Variants in NRXN3 observed in about 807,000 individuals in gnomAD.
NRXN3 encodes the protein neurexin III.
Under a neutral mutation model 137.6 loss-of-function variants are expected in NRXN3, and 32 were observed. That is an observed-to-expected ratio of 0.23 (90% CI 0.18 to 0.31). The LOEUF is 0.31. Among genes scored for constraint, NRXN3 ranks in the 10% least tolerant of loss-of-function variants. The probability of loss-of-function intolerance (pLI) is 1.00; values close to 1 mark genes in which losing one functional copy is unlikely to be tolerated. For missense variants in NRXN3, 1,574 were observed against 2,062.5 expected (o/e 0.76, Z 4.59); for synonymous variants, 798 against 784.5 (o/e 1.02, Z -0.29).
chr14:78,289,970 G>GT (rs1189958425), intron 3 of NRXN3, among the ~76,000 whole-genome samples: 11 of 152,202 alleles, frequency 7.2e-5, no homozygotes, highest in African/African-American at 1.9e-4. Context: ...TCTTACATGA[G>GT]TTTTTTACAA....
chr14:78,658,818 G>A (rs777012439), intron 6 of NRXN3, among the ~76,000 whole-genome samples: 20 of 152,156 alleles, frequency 1.3e-4, no homozygotes, highest in Non-Finnish European at 1.5e-4. Flanking sequence ...GGAGATAAGA[G>A]CGTCTTGACA....
At chr14:79,810,596 C>G (rs1368992319) in intron 20 of NRXN3, among the ~76,000 whole-genome samples, 1 of 152,138 alleles carries the variant, frequency 6.6e-6, no homozygotes, top group African/African-American at 2.4e-5. Flanking sequence ...TACTTAGTTC[C>G]TCTTTGTTAG....
At chr14:78,435,160 A>G (rs962577488) in intron 4 of NRXN3, among the ~76,000 whole-genome samples, 1 of 152,090 alleles carries the variant, frequency 6.6e-6, no homozygotes, top group African/African-American at 2.4e-5. Context: ...TGGCTCTGTA[A>G]CTCTCAGCCT....
chr14:78,606,551 C>T (rs2152455015), intron 4 of NRXN3, among the ~76,000 whole-genome samples: 1 of 152,318 alleles, frequency 6.6e-6, no homozygotes, highest in Non-Finnish European at 1.5e-5. Flanking sequence ...CACTTACGGT[C>T]TCTCCCGCTA....
At chr14:79,677,353 C>T (rs551739473) in intron 17 of NRXN3, among the ~76,000 whole-genome samples, 20 of 152,048 alleles carry the variant, frequency 1.3e-4, no homozygotes, top group Non-Finnish European at 2.5e-4. Context: ...GTTTAGAAAT[C>T]TTATTACTTC....
intron 4 of NRXN3, among the ~76,000 whole-genome samples, chr14:78,423,414 G>T (rs533607268): frequency 6.6e-6 from 1 of 152,160 alleles, no homozygotes; most frequent in South Asian, 2.1e-4. Context: ...TGCTAGGAGC[G>T]CTTATACCTC....
intron 15 of NRXN3, among the ~76,000 whole-genome samples, chr14:79,252,158 G>C (rs1187097704): frequency 6.6e-6 from 1 of 152,080 alleles, no homozygotes; most frequent in East Asian, 1.9e-4. Context: ...ACATTCCGAC[G>C]GGTTAATCAG....
chr14:78,274,032 G>A (rs2073200219), intron 2 of NRXN3, among the ~76,000 whole-genome samples: 1 of 152,218 alleles, frequency 6.6e-6, no homozygotes. Context: ...AGGCATGGGG[G>A]AGTTGAAGTA....
chr14:78,774,708 A>G (rs1311473315), intron 8 of NRXN3, among the ~76,000 whole-genome samples: 2 of 152,168 alleles, frequency 1.3e-5, no homozygotes, highest in African/African-American at 4.8e-5. Flanking sequence ...GCTTGAGGCC[A>G]GGAGTTCAAG....
chr14:79,544,491 A>G (rs1415778114), intron 16 of NRXN3, among the ~76,000 whole-genome samples: 1 of 152,130 alleles, frequency 6.6e-6, no homozygotes, highest in Non-Finnish European at 1.5e-5. Context: ...TGGCCATGTG[A>G]CTTGCTGGAT....
intron 15 of NRXN3, among the ~76,000 whole-genome samples, chr14:79,120,797 A>C (rs1371306520): frequency 6.6e-6 from 1 of 152,206 alleles, no homozygotes; most frequent in Non-Finnish European, 1.5e-5. Context: ...TGTGTTGTTC[A>C]ACATACATAG....
rs926780596 is a variant in NRXN3, at chr14:79,862,622, TCAAAA to T, written c.*664_*668del. ...CTGGACATCAGAAGAGGAAAAAAAC[TCAAAA>T]CAAAAGCGAGAGAGACTATTGCCAT... is the stretch of plus-strand genomic sequence containing the variant. On this transcript the variant is annotated 3_prime_UTR_variant, in exon 21 of 21. Coordinates refer to ENST00000335750, the MANE Select transcript of NRXN3 (RefSeq NM_001330195.2). 8.5e-5 allele frequency: 13 copies of T among 152,474 alleles called. No individual in the cohort carries two copies. Among genetic ancestry groups the T allele is most frequent in the Admixed American group, 4.6e-4 (7 of 15,268 alleles). The allele number at this position is 152,474 out of a possible 1,614,324, so 9.4% of individuals were successfully genotyped here. A position where few individuals can be genotyped will look rare whatever the true frequency, so the allele number is the denominator to read the frequency against.
At chr14:78,532,807 C>A (rs553065852) in intron 4 of NRXN3, among the ~76,000 whole-genome samples, 85 of 151,620 alleles carry the variant, frequency 5.6e-4, no homozygotes, top group African/African-American at 1.9e-3. Flanking sequence ...AATTATCTTT[C>A]TTTTCATCCA....
rs2153076389 is a variant in NRXN3, at chr14:78,801,014, T to G, written c.2045-2606T>G. On this transcript the variant is annotated intron_variant, in intron 8 of 20. Coordinates refer to ENST00000335750, the MANE Select transcript of NRXN3 (RefSeq NM_001330195.2). ...TGTCTGATGCTGTATTAGCCTGTTTTCACACCGCTCTAAAGAAATACATGA... is the reference window on the plus strand; with the variant it reads ...TGTCTGATGCTGTATTAGCCTGTTTGCACACCGCTCTAAAGAAATACATGA... Among the ~76,000 whole-genome samples the G allele has an allele frequency of 2.6e-5, 4 of 152,312 alleles. No homozygotes were observed. The South Asian group carries it at 8.3e-4, about 32-fold the overall frequency.
intron 9 of NRXN3, among the ~76,000 whole-genome samples, chr14:78,808,260 TA>T (rs1043213611): frequency 2.0e-5 from 3 of 152,190 alleles, no homozygotes; most frequent in African/African-American, 7.2e-5. Flanking sequence ...GCATCCACTT[TA>T]CATGAAATCA....
chr14:79,773,646 G>T (rs1294766929), intron 19 of NRXN3, among the ~76,000 whole-genome samples: 1 of 103,812 alleles, frequency 9.6e-6, no homozygotes, highest in African/African-American at 3.7e-5. Flanking sequence ...GGGGAGGGGG[G>T]AGGGATAGCA....
chr14:79,665,816 A>T (rs2098554787), intron 17 of NRXN3, among the ~76,000 whole-genome samples: 1 of 152,096 alleles, frequency 6.6e-6, no homozygotes, highest in African/African-American at 2.4e-5. Context: ...TTTAGTTCCA[A>T]ATTATGGGTT....
intron 4 of NRXN3, among the ~76,000 whole-genome samples, chr14:78,389,338 G>A (rs1408054597): frequency 3.9e-5 from 6 of 152,132 alleles, no homozygotes. Flanking sequence ...TTACAGACGT[G>A]AGTCACCATG....
chr14:79,542,483 T>C (rs1318362514), intron 16 of NRXN3, among the ~76,000 whole-genome samples: 1 of 152,158 alleles, frequency 6.6e-6, no homozygotes, highest in Non-Finnish European at 1.5e-5. Context: ...TGTTGGGCCG[T>C]ATCTATTTTA....
Sources: allele counts gnomAD v4.1 joint callset (sites outside exome capture counted in the v4.1 genomes callset), GRCh38; gene constraint gnomAD v4.1.1; transcripts MANE v1.5; gene names NCBI Gene and HGNC (gene_info 2026-07-23, HGNC 2026-07-21).